Variants in MYO5B observed in about 807,000 individuals in gnomAD.
MYO5B encodes the protein unconventional myosin-Vb.
MYO5B carries 143 observed loss-of-function variants against 229.3 expected under a neutral mutation model. The ratio of observed to expected loss-of-function variants is 0.62; its 90% CI spans 0.54 to 0.72. The LOEUF is 0.72. Ranked by LOEUF, MYO5B falls within the 30% of genes least tolerant of loss-of-function variation. MYO5B has a pLI of 0.00. For missense variants in MYO5B, 2,321 were observed against 2,331.0 expected (o/e 1.00, Z 0.09); for synonymous variants, 918 against 885.2 (o/e 1.04, Z -0.66).
At chr18:49,910,103 T>C (rs2024941008) in intron 18 of MYO5B, among the ~76,000 whole-genome samples, 1 of 152,176 alleles carries the variant, frequency 6.6e-6, no homozygotes. Flanking sequence ...AGCCGAGCAC[T>C]GAGAAGCAGG....
At chr18:50,057,157 C>A (rs944699648) in intron 1 of MYO5B, among the ~76,000 whole-genome samples, 1 of 152,212 alleles carries the variant, frequency 6.6e-6, no homozygotes, top group African/African-American at 2.4e-5. Flanking sequence ...GTCAACATTT[C>A]TTCTACCCCC....
chr18:49,974,743 C>A, intron 9 of MYO5B, 128 bp from the exon 10 acceptor site: 1 of 935,536 alleles, frequency 1.1e-6, no homozygotes, highest in East Asian at 3.0e-5. Flanking sequence ...CTCCAGAATC[C>A]CAGCACATGC....
chr18:49,962,235 G>T (rs1298075492), intron 12 of MYO5B, 31 bp downstream of exon 12: 1 of 1,613,580 alleles, frequency 6.2e-7, no homozygotes, highest in African/African-American at 1.3e-5. Context: ...CCCTACCCTA[G>T]AATTGAACTA....
chr18:49,855,923 C>T (rs1231488496), intron 30 of MYO5B, among the ~76,000 whole-genome samples: 1 of 152,248 alleles, frequency 6.6e-6, no homozygotes, highest in Admixed American at 6.5e-5. Context: ...GCACTCATGC[C>T]ACCTTGTTGA....
At chr18:49,878,566 A>C (rs948782235) in intron 24 of MYO5B, among the ~76,000 whole-genome samples, 2 of 152,194 alleles carry the variant, frequency 1.3e-5, no homozygotes, top group Admixed American at 1.3e-4. Flanking sequence ...ATCTCATCAG[A>C]TTAGGAGACA....
rs886053877 is a variant in MYO5B, at chr18:49,863,282, G to A, written c.3889C>T (p.His1297Tyr). The change falls in exon 29 of 40, where the codon CAT becomes TAT. Residue 1297 changes from histidine to tyrosine, a missense_variant. By Grantham distance (83) the His-to-Tyr change is moderately conservative (BLOSUM62 2). This residue lies in a region of MYO5B where 2,113 missense variants were observed against 2,044.7 expected (regional missense o/e 1.03). Coordinates refer to ENST00000285039, the MANE Select transcript of MYO5B (RefSeq NM_001080467.3). The part of the protein sequence containing the change: ...ARSSWPNSEK[H>Y]VDQEDAIEAY... The stretch of plus-strand genomic sequence containing the variant: ...TCAATGGCATCCTCCTGGTCAACAT[G>A]CTTTTCACTGTTAGGCCAACTTGAT... The A allele has an allele frequency of 5.0e-6, 8 of 1,613,728 alleles. No individual in the cohort carries two copies. The highest frequency in any genetic ancestry group is 6.8e-6 in the Non-Finnish European group (8 of 1,180,006).
At chr18:49,929,707 G>A in intron 16 of MYO5B, 109 bp from the exon 17 acceptor site, 1 of 965,378 alleles carries the variant, frequency 1.0e-6, no homozygotes, top group Admixed American at 2.0e-5. Flanking sequence ...AGTACCTGCT[G>A]CCACTGAGTT....
chr18:50,192,105 C>G (rs1015789688), intron 1 of MYO5B, among the ~76,000 whole-genome samples: 2 of 152,086 alleles, frequency 1.3e-5, no homozygotes, highest in African/African-American at 2.4e-5. Context: ...CTTGTTTGTG[C>G]CCTAATTGAA....
At chr18:49,844,113 G>C (rs528082568) in intron 33 of MYO5B, among the ~76,000 whole-genome samples, 1 of 152,356 alleles carries the variant, frequency 6.6e-6, no homozygotes, top group East Asian at 1.9e-4. Context: ...GGCTGGACTG[G>C]AAGGGCCTTG....
At chr18:50,076,707 C>G (rs1229204654) in intron 1 of MYO5B, among the ~76,000 whole-genome samples, 2 of 152,192 alleles carry the variant, frequency 1.3e-5, no homozygotes, top group Non-Finnish European at 2.9e-5. Flanking sequence ...CACACCTGGT[C>G]CACTGCCCCC....
At chr18:49,954,174 G>C in intron 13 of MYO5B, 139 bp downstream of exon 13, 1 of 1,304,430 alleles carries the variant, frequency 7.7e-7, no homozygotes, top group Admixed American at 1.8e-5. Context: ...GTGGGTAAAA[G>C]AGGATGGAAG....
intron 21 of MYO5B, among the ~76,000 whole-genome samples, chr18:49,897,608 T>C (rs912672635): frequency 5.5e-4 from 83 of 152,248 alleles, no homozygotes; most frequent in African/African-American, 1.9e-3. Flanking sequence ...AATAAGGATA[T>C]CAAGAAATAA....
In MYO5B at chr18:50,122,367, C is replaced by T. The variant is rs1298594037; in HGVS notation, c.28-66989G>A. Among the ~76,000 whole-genome samples, 9 of 142,604 alleles carry T rather than the reference C, an allele frequency of 6.3e-5. No individual in the cohort carries two copies. In the East Asian group the frequency reaches 1.3e-3, roughly 20 times the overall value. 93.6% of individuals were successfully genotyped at this position (142,604 alleles called of 152,430 possible). ...CTGTAATCCCAGCACTTTCGCAGGC[C>T]GAGGCAGGCAGATCACTTGAGGTCA... On this transcript the variant is annotated intron_variant, in intron 1 of 39. Coordinates refer to ENST00000285039, the MANE Select transcript of MYO5B (RefSeq NM_001080467.3).
At chr18:50,065,087 T>G (rs1439437786) in intron 1 of MYO5B, among the ~76,000 whole-genome samples, 1 of 152,208 alleles carries the variant, frequency 6.6e-6, no homozygotes, top group Non-Finnish European at 1.5e-5. Flanking sequence ...TCAATTTTCC[T>G]TCCACAGGAG....
At chr18:50,162,766 G>A (rs900000613) in intron 1 of MYO5B, among the ~76,000 whole-genome samples, 10 of 152,150 alleles carry the variant, frequency 6.6e-5, no homozygotes, top group African/African-American at 2.4e-4. Context: ...CCTTTCTGAG[G>A]CAGCACCATC....
chr18:49,968,921 T>C (rs1435721666), intron 10 of MYO5B, among the ~76,000 whole-genome samples: 1 of 152,204 alleles, frequency 6.6e-6, no homozygotes, highest in East Asian at 1.9e-4. Context: ...ATCTGAGCCT[T>C]GGAAGCACAC....
At chr18:50,188,798 A>C (rs552192936) in intron 1 of MYO5B, among the ~76,000 whole-genome samples, 50,709 of 129,662 alleles carry the variant, frequency 0.39, 9,857 homozygotes, top group East Asian at 0.5. Context: ...AAAAAAAAAA[A>C]AAAAAAAAAA....
chr18:50,118,788 C>G (rs1044888505), intron 1 of MYO5B, among the ~76,000 whole-genome samples: 24 of 152,248 alleles, frequency 1.6e-4, no homozygotes, highest in Non-Finnish European at 3.1e-4. Flanking sequence ...CTATGCCTGG[C>G]TAATTTTTTG....
At chr18:49,894,858 G>T in intron 22 of MYO5B, 83 bp downstream of exon 22, 1 of 1,204,714 alleles carries the variant, frequency 8.3e-7, no homozygotes, top group Non-Finnish European at 1.2e-6. Context: ...TTTACCACTT[G>T]AAGCAGCAGT....
Sources: gnomAD v4.1 joint callset for allele counts (sites outside exome capture counted in the v4.1 genomes callset) on GRCh38, gnomAD v4.1.1 for gene constraint, gnomAD v4.1.1 regional missense constraint, MANE v1.5 for transcripts, NCBI Gene and HGNC (gene_info 2026-07-23, HGNC 2026-07-21) for gene names.